The following COL11A2 variants were observed in gnomAD, a reference collection of about 807,000 sequenced individuals.
COL11A2 encodes the protein collagen alpha-2(XI) chain.
Under a neutral mutation model 273.4 loss-of-function variants are expected in COL11A2, and 116 were observed. The observed-to-expected ratio is 0.42, with a 90% CI of 0.36 to 0.49. The LOEUF is 0.49. COL11A2 is among the 20% of genes least tolerant of loss of function. The pLI is 0.00. For missense variants in COL11A2, 1,866 were observed against 2,309.0 expected (o/e 0.81, Z 3.93); for synonymous variants, 782 against 864.2 (o/e 0.90, Z 1.67).
Position 33,173,428 on chromosome 6 carries a change from A to T in COL11A2, c.2683-27T>A. 1.9e-6 allele frequency: 3 copies of T among 1,612,550 alleles called. No homozygotes were observed. The highest frequency in any genetic ancestry group is 2.5e-6 in the Non-Finnish European group (3 of 1,179,572). On this transcript the variant is annotated intron_variant, in intron 36 of 65. Coordinates refer to ENST00000341947, the MANE Select transcript of COL11A2 (RefSeq NM_080680.3). The surrounding 1 kb of genome is among the most constrained non-coding windows in gnomAD (Gnocchi z 6.3). ...TGGAAGGGGTTCAGTTGTCAGGTGAACTCTCAGCTGGAAAGCAGGTAGGGA... is the reference window on the plus strand; with the variant it reads ...TGGAAGGGGTTCAGTTGTCAGGTGATCTCTCAGCTGGAAAGCAGGTAGGGA...
At chr6:33,174,866 T>C (rs1426337275) in intron 30 of COL11A2, among the ~76,000 whole-genome samples, 2 of 152,010 alleles carry the variant, frequency 1.3e-5, no homozygotes, top group Non-Finnish European at 2.9e-5. Context: ...TTCCCACATG[T>C]CAACCTCAGC....
At position 33,177,987 on chromosome 6, in the gene COL11A2, G is replaced by A. The variant is rs1771159045; in HGVS notation, c.1872+145C>T. ...GCACGGGGAGCGAATGCTGAGGCAG[G>A]GCAGTGTGGGGCCAGAGCAGGGGGA... On this transcript the variant is annotated intron_variant, in intron 21 of 65. Transcript: ENST00000341947. The surrounding 1 kb of genome is among the most constrained non-coding windows in gnomAD (Gnocchi z 5.9). The A allele has an allele frequency of 1.1e-6, 1 of 928,962 alleles. No individual in the cohort carries two copies. Among genetic ancestry groups the A allele is most frequent in the Non-Finnish European group, 1.7e-6 (1 of 601,814 alleles). The allele number at this position is 928,962 out of a possible 1,614,324, so 57.5% of individuals were successfully genotyped here. A position where few individuals can be genotyped will look rare whatever the true frequency, so the allele number is the denominator to read the frequency against.
chr6:33,189,365 C>A lies in COL11A2; in HGVS notation c.187G>T (p.Ala63Ser). The change falls in exon 2 of 66, where the codon GCA becomes TCA. Residue 63 changes from alanine (A) to serine (S), a missense_variant. Transcript: ENST00000341947. The surrounding 1 kb of genome is among the most constrained non-coding windows in gnomAD (Gnocchi z 5.6). ...ICPADVAYRVARPAQLSAPTR... is the reference protein window; with the variant it reads ...ICPADVAYRVSRPAQLSAPTR... ...GGTGCACTGAGCTGGGCAGGTCGTG[C>A]CACTCGGTAGGCCACATCAGCTGGA... The A allele has an allele frequency of 6.2e-7, 1 of 1,613,424 alleles. No homozygotes were observed. The highest frequency in any genetic ancestry group is 8.5e-7 in the Non-Finnish European group (1 of 1,180,038).
Position 33,165,568 on chromosome 6 carries a change from G to T in COL11A2, c.4731C>A (p.Cys1577Ter). 1 of 1,613,210 alleles carries T rather than the reference G, an allele frequency of 6.2e-7. No homozygotes were observed. Residue 1577 changes from cysteine (C) to a stop codon, truncating the protein, a stop_gained, in exon 63 of 66, where the codon TGC (cysteine) becomes TGA (stop). Transcript: ENST00000341947. LOFTEE classifies it high-confidence loss of function. This position sits in a 1 kb window ranked among gnomAD's most constrained non-coding sequence, Gnocchi z 7.7. ...PARTCQDLKLCHPELPDGEYW... is the reference protein window; with the variant it reads ...PARTCQDLKL Reference sequence around the variant, plus strand: ...ACTGACCATCGGGAAGCTCTGGGTGGCACAGCTTCAGGTCCTGGCAGGTGC... The same window carrying T: ...ACTGACCATCGGGAAGCTCTGGGTGTCACAGCTTCAGGTCCTGGCAGGTGC...
Position 33,170,967 on chromosome 6 carries a change from G to T in COL11A2, c.3367-50C>A. The T allele has an allele frequency of 6.6e-7, 1 of 1,516,124 alleles. No individual in the cohort carries two copies. The highest frequency in any genetic ancestry group is 1.1e-5 in the South Asian group (1 of 87,448). The allele number at this position is 1,516,124 out of a possible 1,614,324, so 93.9% of individuals were successfully genotyped here. ...ACAAGGACACAGGGATGGGTCATGGGTCAGGTGTTCTCTATCCACAAATAC... is the reference window on the plus strand; with the variant it reads ...ACAAGGACACAGGGATGGGTCATGGTTCAGGTGTTCTCTATCCACAAATAC... On this transcript the variant is annotated intron_variant, in intron 45 of 65. Coordinates refer to ENST00000341947, the MANE Select transcript of COL11A2 (RefSeq NM_080680.3). This position sits in a 1 kb window ranked among gnomAD's most constrained non-coding sequence, Gnocchi z 4.3.
In COL11A2 at chr6:33,177,650, T is replaced by C. The variant is rs1416459505; in HGVS notation, c.1917+12A>G. Reference sequence around the variant, plus strand: ...ATAAGAATGGGGGTGGGATCTCCTATCCATCACTCACCAAGCTCCCTTTGG... The same window carrying C: ...ATAAGAATGGGGGTGGGATCTCCTACCCATCACTCACCAAGCTCCCTTTGG... On this transcript the variant is annotated intron_variant, in intron 22 of 65. Coordinates refer to ENST00000341947, the MANE Select transcript of COL11A2 (RefSeq NM_080680.3). This position sits in a 1 kb window ranked among gnomAD's most constrained non-coding sequence, Gnocchi z 5.9. 5.0e-6 allele frequency: 8 copies of C among 1,612,884 alleles called. No individual in the cohort carries two copies. The South Asian group carries it at 7.7e-5, about 15-fold the overall frequency.
At position 33,180,322 on chromosome 6, in the gene COL11A2, C is replaced by A. The variant is rs1380272636; in HGVS notation, c.1295G>T (p.Gly432Val). ...VGDPGERGPP[G>V]RAGLPGSDGA... ...ATCTGATCCAGGGAGCCCTGCTCGG[C>A]CAGGGGGGCCCTGGAGTGGGAAGAG... Residue 432 changes from glycine to valine, a missense_variant, in exon 12 of 66, where the codon GGC becomes GTC. Transcript: ENST00000341947. The A allele has an allele frequency of 1.2e-6, 2 of 1,612,576 alleles. No individual in the cohort carries two copies. The highest frequency in any genetic ancestry group is 1.7e-6 in the Non-Finnish European group (2 of 1,179,976).
Position 33,172,277 on chromosome 6 carries a change from A to G in COL11A2, c.2988+12T>C, listed in dbSNP as rs1326158268. On this transcript the variant is annotated intron_variant, in intron 40 of 65. Transcript: ENST00000341947. ...TGCTTGTGACAGGCAGGGGTCTGGG[A>G]GTCACACTCACAGCAGTGCCTGGGA... The G allele has an allele frequency of 1.9e-6, 3 of 1,583,450 alleles. No homozygotes were observed. Among genetic ancestry groups the G allele is most frequent in the African/African-American group, 1.3e-5 (1 of 74,246 alleles).
Position 33,167,678 on chromosome 6 carries a change from C to T in COL11A2, c.4014+121G>A, listed in dbSNP as rs1007143682. On this transcript the variant is annotated intron_variant, in intron 55 of 65. Transcript: ENST00000341947. This position sits in a 1 kb window ranked among gnomAD's most constrained non-coding sequence, Gnocchi z 6.1. ...AGCGCAGGAACAAGTACAGGGAACG[C>T]CTGTCCCCATAAGGGCCCAACATGG... 6.8e-7 allele frequency: 1 copy of T among 1,468,874 alleles called. No homozygotes were observed. Among genetic ancestry groups the T allele is most frequent in the Non-Finnish European group, 9.4e-7 (1 of 1,061,768 alleles). 91.0% of individuals were successfully genotyped at this position (1,468,874 alleles called of 1,614,324 possible). A position where few individuals can be genotyped will look rare whatever the true frequency, so the allele number is the denominator to read the frequency against.
In COL11A2 at chr6:33,167,581, G is replaced by A. The variant is rs370994730; in HGVS notation, c.4015-48C>T. The A allele has an allele frequency of 5.3e-4, 842 of 1,600,734 alleles. 4 individuals are homozygous for A. Among genetic ancestry groups the A allele is most frequent in the Middle Eastern group, 1.7e-4 (1 of 6,040 alleles). ...GTCCTGAATGGCAGAGGAGTGGGGT[G>A]TGGGCAGGGGGCAGAGGGTCCAAGG... On this transcript the variant is annotated intron_variant, in intron 55 of 65. Transcript: ENST00000341947. The surrounding 1 kb of genome is among the most constrained non-coding windows in gnomAD (Gnocchi z 6.1).
In COL11A2 at chr6:33,165,746, C is replaced by T. The variant is rs868805420; in HGVS notation, c.4553G>A (p.Gly1518Glu). 1.9e-6 allele frequency: 3 copies of T among 1,612,072 alleles called. No homozygotes were observed. Among genetic ancestry groups the T allele is most frequent in the Non-Finnish European group, 2.5e-6 (3 of 1,179,974 alleles). ...MPKKTRRSVD[G>E]SRLMQEDEAI... ...CTCATCTTCCTGCATCAGACGGCTTCCATCCACCGAGCGCCGAGTCTTCTT... is the reference window on the plus strand; with the variant it reads ...CTCATCTTCCTGCATCAGACGGCTTTCATCCACCGAGCGCCGAGTCTTCTT... Residue 1518 changes from glycine to glutamate, a missense_variant, in exon 63 of 66, where the codon GGA becomes GAA. By Grantham distance (98) the Gly-to-Glu change is moderately conservative. Transcript: ENST00000341947. The surrounding 1 kb of genome is among the most constrained non-coding windows in gnomAD (Gnocchi z 7.7).
In COL11A2 at chr6:33,169,297, A is replaced by C. The variant is rs1310306785; in HGVS notation, c.3798+86T>G. 2 of 1,286,472 alleles carry C rather than the reference A, an allele frequency of 1.6e-6. No individual in the cohort carries two copies. The allele number at this position is 1,286,472 out of a possible 1,614,324, so 79.7% of individuals were successfully genotyped here. ...CAAACTCCCGGGCTCCCCACACTCCAAGATCCTCCCTCACACACACCCATA... is the reference window on the plus strand; with the variant it reads ...CAAACTCCCGGGCTCCCCACACTCCCAGATCCTCCCTCACACACACCCATA... On this transcript the variant is annotated intron_variant, in intron 51 of 65. Transcript: ENST00000341947. The surrounding 1 kb of genome is among the most constrained non-coding windows in gnomAD (Gnocchi z 5.5).
rs1770860397 is a variant in COL11A2 at position 33,176,110 on chromosome 6, G to A, written c.2215-41C>T. 1 of 1,612,084 alleles carries A rather than the reference G, an allele frequency of 6.2e-7. No individual in the cohort carries two copies. Among genetic ancestry groups the A allele is most frequent in the Non-Finnish European group, 8.5e-7 (1 of 1,179,152 alleles). ...GTGAGAGGGCACCACAGATGACAGA[G>A]GGCTGGGGTTCTAATGGGAATTCTG... On this transcript the variant is annotated intron_variant, in intron 28 of 65. Coordinates refer to ENST00000341947, the MANE Select transcript of COL11A2 (RefSeq NM_080680.3). This position sits in a 1 kb window ranked among gnomAD's most constrained non-coding sequence, Gnocchi z 4.9.
Position 33,162,890 on chromosome 6 carries a change from T to C in COL11A2, c.*788A>G, listed in dbSNP as rs773303307. On this transcript the variant is annotated 3_prime_UTR_variant, in exon 66 of 66. Coordinates refer to ENST00000341947, the MANE Select transcript of COL11A2 (RefSeq NM_080680.3). This position sits in a 1 kb window ranked among gnomAD's most constrained non-coding sequence, Gnocchi z 4.9. ...GGCCATGGCAATTTACCAGCCAATA[T>C]AGAAGAATTTTAATATTCCAGCCAT... The C allele has an allele frequency of 2.6e-5, 4 of 154,806 alleles. No individual in the cohort carries two copies. The highest frequency in any genetic ancestry group is 1.3e-4 in the Admixed American group (2 of 15,284). 9.6% of individuals were successfully genotyped at this position (154,806 alleles called of 1,614,324 possible). A position where few individuals can be genotyped will look rare whatever the true frequency, so the allele number is the denominator to read the frequency against.
intron 8 of COL11A2, 135 bp from the exon 9 acceptor site, chr6:33,181,305 C>T: frequency 1.1e-6 from 1 of 895,512 alleles, no homozygotes; most frequent in Non-Finnish European, 1.8e-6. Flanking sequence ...AGCCCCACAG[C>T]CCTCCCCTAA....
At position 33,192,298 on chromosome 6, in the gene COL11A2, G is replaced by T; in HGVS notation, c.-58C>A. On this transcript the variant is annotated 5_prime_UTR_variant, in exon 1 of 66. Coordinates refer to ENST00000341947, the MANE Select transcript of COL11A2 (RefSeq NM_080680.3). ...CCCAGGTCGGCCTGAGACGCTGGATGCCCTGAGGCTGACAGAAGACAGGGA... is the reference window on the plus strand; with the variant it reads ...CCCAGGTCGGCCTGAGACGCTGGATTCCCTGAGGCTGACAGAAGACAGGGA... 1 of 1,480,722 alleles carries T rather than the reference G, an allele frequency of 6.8e-7. No individual in the cohort carries two copies. Among genetic ancestry groups the T allele is most frequent in the Non-Finnish European group, 9.2e-7 (1 of 1,086,560 alleles). The allele number at this position is 1,480,722 out of a possible 1,614,324, so 91.7% of individuals were successfully genotyped here.
chr6:33,165,039 C>A lies in COL11A2; in HGVS notation c.4751-75G>T. On this transcript the variant is annotated intron_variant, in intron 63 of 65. Transcript: ENST00000341947. The surrounding 1 kb of genome is among the most constrained non-coding windows in gnomAD (Gnocchi z 7.7). ...AAGATGCTCTTTGCCCCCACATTCC[C>A]TCTTCCCTCCCAGCCCTCCCCATCA... 6 of 1,132,626 alleles carry A rather than the reference C, an allele frequency of 5.3e-6. No individual in the cohort carries two copies. Among genetic ancestry groups the A allele is most frequent in the Non-Finnish European group, 7.8e-6 (6 of 768,156 alleles). The allele number at this position is 1,132,626 out of a possible 1,614,324, so 70.2% of individuals were successfully genotyped here.
At position 33,169,621 on chromosome 6, in the gene COL11A2, G is replaced by T; in HGVS notation, c.3691-131C>A. The T allele has an allele frequency of 9.0e-7, 1 of 1,106,906 alleles. No homozygotes were observed. Among genetic ancestry groups the T allele is most frequent in the Non-Finnish European group, 1.4e-6 (1 of 737,470 alleles). 68.6% of individuals were successfully genotyped at this position (1,106,906 alleles called of 1,614,324 possible). A position where few individuals can be genotyped will look rare whatever the true frequency, so the allele number is the denominator to read the frequency against. ...CAATGGGACATACACAGAAAGTCAA[G>T]CCTACAAGGGGAGTTCCCTAGTCCC... is the stretch of plus-strand genomic sequence containing the variant. On this transcript the variant is annotated intron_variant, in intron 50 of 65. Coordinates refer to ENST00000341947, the MANE Select transcript of COL11A2 (RefSeq NM_080680.3). This position sits in a 1 kb window ranked among gnomAD's most constrained non-coding sequence, Gnocchi z 5.5.
Position 33,165,521 on chromosome 6 carries a change from G to A in COL11A2, c.4750+28C>T, listed in dbSNP as rs1768980303. 2 of 1,609,486 alleles carry A rather than the reference G, an allele frequency of 1.2e-6. No homozygotes were observed. Among genetic ancestry groups the A allele is most frequent in the Non-Finnish European group, 1.7e-6 (2 of 1,179,988 alleles). On this transcript the variant is annotated intron_variant, in intron 63 of 65. Transcript: ENST00000341947. This position sits in a 1 kb window ranked among gnomAD's most constrained non-coding sequence, Gnocchi z 7.7. ...TCAGTACCCATGCTGTTGGGGAGAT[G>A]TTTGTGCACCCTGAGGCTAGCACTG...
Sources: allele counts gnomAD v4.1 joint callset (sites outside exome capture counted in the v4.1 genomes callset), GRCh38; gene constraint gnomAD v4.1.1; non-coding constraint Gnocchi (gnomAD v3.1); transcripts MANE v1.5; gene names NCBI Gene and HGNC (gene_info 2026-07-23, HGNC 2026-07-21).